The following SIPA1L3 variants were observed in gnomAD, a reference collection of about 807,000 sequenced individuals.
SIPA1L3 encodes the protein signal-induced proliferation-associated 1-like protein 3.
Under a neutral mutation model 150.1 loss-of-function variants are expected in SIPA1L3, and 59 were observed. The ratio of observed to expected loss-of-function variants is 0.39; its 90% confidence interval spans 0.32 to 0.49. The LOEUF is 0.49. Ranked by LOEUF, SIPA1L3 falls within the 20% of genes least tolerant of loss-of-function variation. The pLI is 0.86. For missense variants in SIPA1L3, 2,211 were observed against 2,489.5 expected (o/e 0.89, Z 2.38); for synonymous variants, 1,070 against 1,077.6 (o/e 0.99, Z 0.14).
Position 38,198,569 on chromosome 19 carries a change from C to G in SIPA1L3, c.4984+37C>G, listed in dbSNP as rs367664853. ...CCACCCAGTCCCGCCAGGCCCCCAC[C>G]CCGTCCTCTGTTCTAGAGGGATTCA... On this transcript the variant is annotated intron_variant, in intron 19 of 21. Coordinates refer to ENST00000222345, the MANE Select transcript of SIPA1L3 (RefSeq NM_015073.3). The G allele has an allele frequency of 1.7e-5, 25 of 1,461,730 alleles. No homozygotes were observed. In the South Asian group the frequency reaches 3.7e-4, roughly 21 times the overall value. 90.5% of individuals were successfully genotyped at this position (1,461,730 alleles called of 1,614,324 possible).
chr19:37,952,937 A>C (rs1330373749), intron 1 of SIPA1L3, among the ~76,000 whole-genome samples: 1 of 151,992 alleles, frequency 6.6e-6, no homozygotes, highest in Non-Finnish European at 1.5e-5. Context: ...GTGTGTATGC[A>C]CAGAGGATTC....
chr19:38,082,105 C>G lies in SIPA1L3; in HGVS notation c.540C>G (p.Asp180Glu), dbSNP rs1001427944. ...GCGAGATCACCCTCAGCGAGTGTGA[C>G]GCGGAGGACGCGGGGGAGCCGCGGG... ...SSSEITLSEC[D>E]AEDAGEPRGA... The change falls in exon 3 of 22, where the codon GAC becomes GAG. Residue 180 changes from aspartate to glutamate, a missense_variant. Asp to Glu is a conservative substitution (Grantham distance 45). Coordinates refer to ENST00000222345, the MANE Select transcript of SIPA1L3 (RefSeq NM_015073.3). The G allele has an allele frequency of 1.2e-6, 2 of 1,608,418 alleles. No individual in the cohort carries two copies. Among genetic ancestry groups the G allele is most frequent in the African/African-American group, 2.7e-5 (2 of 74,896 alleles).
intron 2 of SIPA1L3, among the ~76,000 whole-genome samples, chr19:38,042,104 A>T: frequency 6.6e-6 from 1 of 152,074 alleles, no homozygotes; most frequent in Non-Finnish European, 1.5e-5. Context: ...TTTTGGTGTG[A>T]TGTCTAAAAA....
intron 1 of SIPA1L3, among the ~76,000 whole-genome samples, chr19:37,920,141 C>T (rs886195409): frequency 3.3e-5 from 5 of 151,870 alleles, no homozygotes; most frequent in African/African-American, 1.2e-4. Flanking sequence ...CTCCCTGCAG[C>T]CTCTACCTCC....
intron 12 of SIPA1L3, 117 bp downstream of exon 12, chr19:38,142,827 C>CTTCAGGGGT: frequency 7.7e-7 from 1 of 1,302,998 alleles, no homozygotes; most frequent in Non-Finnish European, 1.1e-6. Flanking sequence ...GTTTCTGGAC[C>CTTCAGGGGT]CCTGAAGGTC....
At chr19:38,206,067 C>A in intron 21 of SIPA1L3, 30 bp from the exon 22 acceptor site, 1 of 1,517,710 alleles carries the variant, frequency 6.6e-7, no homozygotes, top group Middle Eastern at 2.1e-4. Context: ...CAAGCCCACC[C>A]GCCTGATGCC....
At chr19:38,032,973 C>T (rs1423955407) in intron 2 of SIPA1L3, among the ~76,000 whole-genome samples, 1 of 152,144 alleles carries the variant, frequency 6.6e-6, no homozygotes, top group Non-Finnish European at 1.5e-5. Context: ...GGGCAATTTT[C>T]GGACAAGGTG....
chr19:38,121,912 C>T (rs1361052984), intron 9 of SIPA1L3, among the ~76,000 whole-genome samples: 1 of 150,880 alleles, frequency 6.6e-6, no homozygotes, highest in African/African-American at 2.4e-5. Flanking sequence ...GAGAAAGACC[C>T]GGACTCAAAA....
At chr19:37,910,544 AAAAG>A (rs2145462675) in intron 1 of SIPA1L3, among the ~76,000 whole-genome samples, 1 of 152,164 alleles carries the variant, frequency 6.6e-6, no homozygotes, top group Non-Finnish European at 1.5e-5. Context: ...AAAAAAAAAA[AAAAG>A]AATGAGAGGC....
intron 1 of SIPA1L3, among the ~76,000 whole-genome samples, chr19:37,999,508 G>A (rs931528302): frequency 5.3e-5 from 8 of 152,180 alleles, no homozygotes; most frequent in African/African-American, 1.9e-4. Context: ...TGGTGGGCTG[G>A]GTTTTCCAGC....
intron 15 of SIPA1L3, among the ~76,000 whole-genome samples, chr19:38,169,028 T>C (rs1452979242): frequency 6.6e-6 from 1 of 152,076 alleles, no homozygotes; most frequent in Non-Finnish European, 1.5e-5. Flanking sequence ...AGTTTGCAAC[T>C]CACCCCCTGA....
intron 13 of SIPA1L3, among the ~76,000 whole-genome samples, chr19:38,155,961 A>C (rs1382105999): frequency 6.6e-6 from 1 of 152,148 alleles, no homozygotes; most frequent in Non-Finnish European, 1.5e-5. Flanking sequence ...CATGCCTATA[A>C]TCCCAGCTAC....
chr19:38,049,610 G>A (rs555504653), intron 2 of SIPA1L3, among the ~76,000 whole-genome samples: 2 of 152,160 alleles, frequency 1.3e-5, no homozygotes, highest in African/African-American at 2.4e-5. Flanking sequence ...CCAGGAGTCA[G>A]TTGCAGCCGG....
At chr19:37,932,888 C>T (rs1312017824) in intron 1 of SIPA1L3, among the ~76,000 whole-genome samples, 3 of 151,992 alleles carry the variant, frequency 2.0e-5, no homozygotes, top group Non-Finnish European at 2.9e-5. Context: ...AAATGGAGGA[C>T]ATTTCTCCCA....
chr19:37,940,099 C>T (rs901746657), intron 1 of SIPA1L3, among the ~76,000 whole-genome samples: 5 of 152,090 alleles, frequency 3.3e-5, no homozygotes, highest in African/African-American at 1.2e-4. Context: ...TTACTTAGTG[C>T]GTCAGAGATA....
intron 2 of SIPA1L3, among the ~76,000 whole-genome samples, chr19:38,071,227 ATCTATCTATC>A (rs1969711896): frequency 6.6e-6 from 1 of 151,542 alleles, no homozygotes; most frequent in Non-Finnish European, 1.5e-5. Flanking sequence ...CTATCTATCT[ATCTATCTATC>A]TATCTATCTA....
chr19:37,915,424 C>T (rs2046407453), intron 1 of SIPA1L3, among the ~76,000 whole-genome samples: 2 of 152,036 alleles, frequency 1.3e-5, no homozygotes, highest in Admixed American at 1.3e-4. Flanking sequence ...CTCTGTTGCC[C>T]ACGCTGGAGT....
chr19:37,955,802 T>C (rs2046805435), intron 1 of SIPA1L3, among the ~76,000 whole-genome samples: 1 of 152,244 alleles, frequency 6.6e-6, no homozygotes, highest in African/African-American at 2.4e-5. Context: ...ATTACCATTA[T>C]TCGTTAATGG....
intron 9 of SIPA1L3, among the ~76,000 whole-genome samples, chr19:38,128,135 A>ACCTCTG (rs1168315555): frequency 7.3e-6 from 1 of 136,912 alleles, no homozygotes; most frequent in Non-Finnish European, 1.5e-5. Flanking sequence ...GCTCACTGCA[A>ACCTCTG]CCTCTGCCTC....
Sources: gnomAD v4.1 joint callset for allele counts (sites outside exome capture counted in the v4.1 genomes callset) on GRCh38, gnomAD v4.1.1 for gene constraint, MANE v1.5 for transcripts, NCBI Gene and HGNC (gene_info 2026-07-23, HGNC 2026-07-21) for gene names.